ZNF777: variants seen among roughly 807,000 people sequenced by gnomAD.
ZNF777 encodes zinc finger protein 777.
ZNF777 carries 7 observed loss-of-function variants against 72.1 expected under a neutral mutation model. The observed-to-expected ratio is 0.10, with a 90% CI of 0.06 to 0.18. The LOEUF is 0.18. Among genes scored for constraint, ZNF777 ranks in the 10% least tolerant of loss-of-function variants. The pLI, the probability that ZNF777 is intolerant of heterozygous loss-of-function variation, is 1.00. For synonymous variants in ZNF777, 545 were observed against 483.5 expected (o/e 1.13, Z -1.67); for missense variants, 828 against 1,128.6 (o/e 0.73, Z 3.82).
intron 4 of ZNF777, among the ~76,000 whole-genome samples, chr7:149,447,501 C>A (rs1416798657): frequency 6.6e-6 from 1 of 152,214 alleles, no homozygotes; most frequent in African/African-American, 2.4e-5. Context: ...TGGGGGCCAC[C>A]CTTAGCACCT....
At chr7:149,445,873 C>T (rs1180519326) in intron 4 of ZNF777, among the ~76,000 whole-genome samples, 1 of 152,120 alleles carries the variant, frequency 6.6e-6, no homozygotes, top group Non-Finnish European at 1.5e-5. Flanking sequence ...CTGTGTTTAG[C>T]CTCACTTCAT....
chr7:149,431,571 C>G lies in ZNF777; in HGVS notation c.*205G>C, dbSNP rs370417499. On this transcript the variant is annotated 3_prime_UTR_variant, in exon 6 of 6. Coordinates refer to ENST00000247930, the MANE Select transcript of ZNF777 (RefSeq NM_015694.3). ...GGTTCCCCAGGTCCGCGCCCTCCCC[C>G]CTGGGGCCCCCGGGGAAACGCGGCA... The G allele has an allele frequency of 8.1e-4, 435 of 535,152 alleles. 1 individual carries two copies. Among genetic ancestry groups the G allele is most frequent in the African/African-American group, 2.9e-3 (147 of 50,582 alleles). 33.2% of individuals were successfully genotyped at this position (535,152 alleles called of 1,614,324 possible).
chr7:149,455,260 G>T lies in ZNF777; in HGVS notation c.763C>A (p.Leu255Met). ...LQEYGLLQRR[L>M]ENMENLLKNR... ...TTCAGCAGGTTCTCCATGTTCTCCA[G>T]CCGCCTCTGCAGCAGCCCATACTCC... Residue 255 changes from leucine (L) to methionine (M), a missense_variant, in exon 2 of 6, where the codon CTG (leucine) becomes ATG (methionine). Leu to Met is a conservative substitution (Grantham distance 15). This residue lies in a region of ZNF777 where 76 missense variants were observed against 157.3 expected (regional missense o/e 0.48). Transcript: ENST00000247930. The surrounding 1 kb of genome is among the most constrained non-coding windows in gnomAD (Gnocchi z 4.2). The T allele has an allele frequency of 6.2e-7, 1 of 1,614,196 alleles. No individual in the cohort carries two copies. Among genetic ancestry groups the T allele is most frequent in the Non-Finnish European group, 8.5e-7 (1 of 1,180,046 alleles).
chr7:149,455,402 C>T lies in ZNF777; in HGVS notation c.621G>A (p.Leu207=). The change falls in exon 2 of 6, where the codon CTG becomes CTA. Residue 207 remains leucine, a synonymous_variant. Transcript: ENST00000247930. This position sits in a 1 kb window ranked among gnomAD's most constrained non-coding sequence, Gnocchi z 4.2. The stretch of plus-strand genomic sequence containing the variant: ...TTGTCCCCGTCCTGCCTTCCAGGGT[C>T]AGTAGCCTCATGGCCTGGGCCTCCA... ...RKLEAQAMRL[L]TLEGRTGTNE... 2 of 1,614,226 alleles carry T rather than the reference C, an allele frequency of 1.2e-6. No individual in the cohort carries two copies. Among genetic ancestry groups the T allele is most frequent in the Non-Finnish European group, 1.7e-6 (2 of 1,180,050 alleles).
At position 149,431,998 on chromosome 7, in the gene ZNF777, G is replaced by A; in HGVS notation, c.2274C>T (p.Ser758=). 6.2e-7 allele frequency: 1 copy of A among 1,610,840 alleles called. No homozygotes were observed. Reference sequence around the variant, plus strand: ...CCAGGAGGTGGTGCTTGCGGATGAAGCTCTTGCCGCACTCGGGGCAGGCGT... The same window carrying A: ...CCAGGAGGTGGTGCTTGCGGATGAAACTCTTGCCGCACTCGGGGCAGGCGT... ...RPHACPECGK[S]FIRKHHLLEH... is the part of the protein sequence containing the mutation. The change falls in exon 6 of 6, where the codon AGC becomes AGT. Residue 758 remains serine (S), a synonymous_variant. Coordinates refer to ENST00000247930, the MANE Select transcript of ZNF777 (RefSeq NM_015694.3).
intron 5 of ZNF777, among the ~76,000 whole-genome samples, chr7:149,433,378 C>A (rs747983880): frequency 6.6e-6 from 1 of 152,186 alleles, no homozygotes; most frequent in Non-Finnish European, 1.5e-5. Context: ...GATACACACC[C>A]CTTTTTCCAT....
chr7:149,453,700 T>C (rs112823755), intron 3 of ZNF777, among the ~76,000 whole-genome samples: 1,586 of 152,344 alleles, frequency 0.01, 28 homozygotes, highest in African/African-American at 0.037. Context: ...ATGATACTTG[T>C]ACAGCACCTC....
Position 149,455,306 on chromosome 7 carries a change from G to C in ZNF777, c.717C>G (p.Val239=). The change falls in exon 2 of 6, where the codon GTC becomes GTG. Residue 239 remains valine, a synonymous_variant. Coordinates refer to ENST00000247930, the MANE Select transcript of ZNF777 (RefSeq NM_015694.3). The surrounding 1 kb of genome is among the most constrained non-coding windows in gnomAD (Gnocchi z 4.2). ...ACTCCTGCAGCAGGGTCCCCAACAC[G>C]ACCCACTTGCTCTCCAGATGGTTCG... is the stretch of plus-strand genomic sequence containing the variant. The part of the protein sequence containing the change: ...EFANHLESKW[V]VLGTLLQEYG... 6.2e-7 allele frequency: 1 copy of C among 1,614,156 alleles called. No homozygotes were observed. The highest frequency in any genetic ancestry group is 1.6e-4 in the Middle Eastern group (1 of 6,062).
chr7:149,432,154 G>C lies in ZNF777; in HGVS notation c.2118C>G (p.Pro706=). The change falls in exon 6 of 6, where the codon CCC becomes CCG. Residue 706 remains proline, a synonymous_variant. Transcript: ENST00000247930. ...CSLCGKSFSR[P]SHLLRHQRTH... ...TCCGCTGGTGGCGCAGCAGGTGCGAGGGGCGGCTGAAGCTCTTGCCGCACA... is the reference window on the plus strand; with the variant it reads ...TCCGCTGGTGGCGCAGCAGGTGCGACGGGCGGCTGAAGCTCTTGCCGCACA... 6.2e-7 allele frequency: 1 copy of C among 1,604,072 alleles called. No individual in the cohort carries two copies. Among genetic ancestry groups the C allele is most frequent in the Non-Finnish European group, 8.5e-7 (1 of 1,179,686 alleles).
chr7:149,454,389 G>C (rs1799781532), intron 2 of ZNF777, 152 bp from the exon 3 acceptor site: 1 of 916,238 alleles, frequency 1.1e-6, no homozygotes, highest in African/African-American at 1.7e-5. Flanking sequence ...AGAGTGAGGG[G>C]CCTGTCTTGT....
Position 149,455,088 on chromosome 7 carries a change from C to T in ZNF777, c.846+89G>A, listed in dbSNP as rs1799798264. On this transcript the variant is annotated intron_variant, in intron 2 of 5. Transcript: ENST00000247930. This position sits in a 1 kb window ranked among gnomAD's most constrained non-coding sequence, Gnocchi z 4.2. ...TCACTGTATTTTTTCCTTTATCAAC[C>T]ACCCCTTTCTTTCATATTACACTAC... 6.8e-7 allele frequency: 1 copy of T among 1,468,834 alleles called. No individual in the cohort carries two copies. Among genetic ancestry groups the T allele is most frequent in the Non-Finnish European group, 9.1e-7 (1 of 1,094,124 alleles). The allele number at this position is 1,468,834 out of a possible 1,614,324, so 91.0% of individuals were successfully genotyped here.
intron 4 of ZNF777, among the ~76,000 whole-genome samples, chr7:149,441,990 A>T (rs1012078942): frequency 5.3e-5 from 8 of 151,350 alleles, no homozygotes; most frequent in Non-Finnish European, 1.2e-4. Context: ...TAACGTCAGG[A>T]CAAACTCCTG....
At chr7:149,438,909 C>G (rs1240689379) in intron 4 of ZNF777, among the ~76,000 whole-genome samples, 1 of 152,046 alleles carries the variant, frequency 6.6e-6, no homozygotes, top group Non-Finnish European at 1.5e-5. Flanking sequence ...TCTCATTTAC[C>G]CCCCCGCCAC....
intron 4 of ZNF777, among the ~76,000 whole-genome samples, chr7:149,447,327 C>A (rs953964486): frequency 1.3e-5 from 2 of 152,206 alleles, no homozygotes; most frequent in South Asian, 4.1e-4. Flanking sequence ...GCTCAGACCT[C>A]GGTTCTGAAC....
At chr7:149,434,052 G>A (rs1402414799) in intron 5 of ZNF777, among the ~76,000 whole-genome samples, 1 of 151,230 alleles carries the variant, frequency 6.6e-6, no homozygotes. Flanking sequence ...TTTTTTTCAT[G>A]AGCACAGTAT....
At chr7:149,437,803 T>C (rs117574141) in intron 4 of ZNF777, among the ~76,000 whole-genome samples, 8 of 101,446 alleles carry the variant, frequency 7.9e-5, no homozygotes, top group Non-Finnish European at 1.2e-4. Flanking sequence ...TTGTTTCTTT[T>C]TCTTTTTTTT....
At position 149,455,917 on chromosome 7, in the gene ZNF777, G is replaced by A. The variant is rs773010168; in HGVS notation, c.106C>T (p.Arg36Cys). ...GGAATTTCTTTGGGAGGAAGAACGC[G>A]GGATTGGAACAGAGTTTCTCGGGGG... ...GLPRETLFQS[R>C]VLPPKEIPSL... Residue 36 changes from arginine (R) to cysteine (C), a missense_variant, in exon 2 of 6, where the codon CGC (arginine) becomes TGC (cysteine). Around this residue, in one of 12 missense-constraint regions of ZNF777, gnomAD observed 222 missense variants for 211.2 expected, o/e 1.05. Transcript: ENST00000247930. The surrounding 1 kb of genome is among the most constrained non-coding windows in gnomAD (Gnocchi z 4.2). 12 of 1,613,744 alleles carry A rather than the reference G, an allele frequency of 7.4e-6. No homozygotes were observed. Among genetic ancestry groups the A allele is most frequent in the South Asian group, 3.3e-5 (3 of 91,052 alleles).
rs1212016930 is a variant in ZNF777 at position 149,431,455 on chromosome 7, C to A, written c.*321G>T. 4.5e-6 allele frequency: 2 copies of A among 444,548 alleles called. No individual in the cohort carries two copies. Among genetic ancestry groups the A allele is most frequent in the Non-Finnish European group, 9.0e-6 (2 of 221,934 alleles). The allele number at this position is 444,548 out of a possible 1,614,324, so 27.5% of individuals were successfully genotyped here. A position where few individuals can be genotyped will look rare whatever the true frequency, so the allele number is the denominator to read the frequency against. The stretch of plus-strand genomic sequence containing the variant: ...TATCCCCAACTAGATGGGCCCTACA[C>A]CGCCCCTCTGAGTGGCCGGCGGCCA... On this transcript the variant is annotated 3_prime_UTR_variant, in exon 6 of 6. Coordinates refer to ENST00000247930, the MANE Select transcript of ZNF777 (RefSeq NM_015694.3).
intron 1 of ZNF777, among the ~76,000 whole-genome samples, chr7:149,459,505 C>T (rs1243508966): frequency 6.6e-6 from 1 of 152,102 alleles, no homozygotes; most frequent in African/African-American, 2.4e-5. Context: ...GCCCGGCCTC[C>T]CCCGCCGCCC....
Sources: allele counts gnomAD v4.1 joint callset (sites outside exome capture counted in the v4.1 genomes callset), GRCh38; gene constraint gnomAD v4.1.1; regional missense constraint gnomAD v4.1.1; non-coding constraint Gnocchi (gnomAD v3.1); transcripts MANE v1.5; gene names NCBI Gene and HGNC (gene_info 2026-07-23, HGNC 2026-07-21).